The following LRTM3 variants were observed in gnomAD, a reference collection of about 807,000 sequenced individuals.
LRTM3 encodes the protein leucine-rich repeat transmembrane protein 3.
the LRTM3 span, chr13:102,731,854 T>C: frequency 6.5e-7 from 1 of 1,550,302 alleles, no homozygotes; most frequent in Non-Finnish European, 8.7e-7. Context: ...CAAGCATAGA[T>C]GGACACTCTG....
the LRTM3 span, chr13:102,732,794 A>AATTT: frequency 6.4e-7 from 1 of 1,551,212 alleles, no homozygotes; most frequent in Non-Finnish European, 8.7e-7. Flanking sequence ...GCCTATTTTT[A>AATTT]ATTTCCCTTC....
At chr13:102,745,345 G>GAGTCTTTT in the LRTM3 span, 1 of 1,550,562 alleles carries the variant, frequency 6.4e-7, no homozygotes, top group Admixed American at 2.0e-5. Flanking sequence ...GAGTAGAACT[G>GAGTCTTTT]AGTCTTTTTT....
chr13:102,754,682 A>G, the LRTM3 span, among the ~76,000 whole-genome samples: 1 of 152,172 alleles, frequency 6.6e-6, no homozygotes, highest in Non-Finnish European at 1.5e-5. Flanking sequence ...CCATTTAAAC[A>G]TTAGGTACGT....
At chr13:102,742,104 G>C in the LRTM3 span, 1 of 1,550,312 alleles carries the variant, frequency 6.5e-7, no homozygotes, top group Non-Finnish European at 8.7e-7. Flanking sequence ...ACTTCTGTAA[G>C]CTTTTTAATG....
At chr13:102,734,931 T>C in the LRTM3 span, 136 of 1,551,070 alleles carry the variant, frequency 8.8e-5, no homozygotes, top group Non-Finnish European at 1.2e-4. Context: ...TAGATTAAAA[T>C]ATCACCAGCA....
the LRTM3 span, chr13:102,740,572 A>G: frequency 1.1e-5 from 17 of 1,549,026 alleles, no homozygotes; most frequent in African/African-American, 2.7e-5. Flanking sequence ...TGTTTTGAGT[A>G]TATCCAACTA....
At chr13:102,734,981 AC>A in the LRTM3 span, 1 of 1,551,190 alleles carries the variant, frequency 6.4e-7, no homozygotes, top group Non-Finnish European at 8.7e-7. Context: ...ATCTGGTGAT[AC>A]CTGGAGTTTT....
chr13:102,737,736 C>T, the LRTM3 span: 14,839 of 1,550,834 alleles, frequency 9.6e-3, 80 homozygotes, highest in Non-Finnish European at 0.012. Flanking sequence ...CTATCACCCT[C>T]ACTGGGCACC....
At chr13:102,733,233 G>T in the LRTM3 span, 2 of 1,551,310 alleles carry the variant, frequency 1.3e-6, no homozygotes, top group South Asian at 2.4e-5. Flanking sequence ...ATATTTTGGG[G>T]GGCATTCCAG....
chr13:102,731,681 T>C, the LRTM3 span: 5 of 1,551,246 alleles, frequency 3.2e-6, no homozygotes, highest in Admixed American at 2.0e-5. Context: ...GGGAAGTAAA[T>C]GTTCTGCATT....
the LRTM3 span, chr13:102,736,950 C>A: frequency 6.4e-7 from 1 of 1,551,052 alleles, no homozygotes; most frequent in Non-Finnish European, 8.7e-7. Flanking sequence ...TTTTTGCCTG[C>A]TGTTCGTTTG....
chr13:102,733,383 G>A, the LRTM3 span: 1 of 1,551,238 alleles, frequency 6.4e-7, no homozygotes, highest in African/African-American at 1.4e-5. Flanking sequence ...GCAAGTTCTG[G>A]AGATACTTTC....
chr13:102,731,194 A>T, the LRTM3 span: 5 of 1,551,486 alleles, frequency 3.2e-6, no homozygotes, highest in Non-Finnish European at 4.4e-6. Context: ...CACTTGAAAC[A>T]TCAACAATCA....
At chr13:102,737,988 C>A in the LRTM3 span, 7 of 1,550,912 alleles carry the variant, frequency 4.5e-6, no homozygotes, top group Non-Finnish European at 6.1e-6. Flanking sequence ...ACTTCGTGAT[C>A]CATTTTCCCT....
chr13:102,742,397 C>T, the LRTM3 span: 1 of 1,546,488 alleles, frequency 6.5e-7, no homozygotes, highest in Non-Finnish European at 8.7e-7. Flanking sequence ...CCAGATAGTT[C>T]CTGAGACACA....
chr13:102,749,084 T>C, the LRTM3 span: 1 of 1,550,022 alleles, frequency 6.5e-7, no homozygotes, highest in South Asian at 1.2e-5. Flanking sequence ...CAAAGCTATA[T>C]CTGATATATC....
At chr13:102,743,224 A>T in the LRTM3 span, 6 of 1,550,660 alleles carry the variant, frequency 3.9e-6, no homozygotes, top group Non-Finnish European at 5.2e-6. Flanking sequence ...TGTCAATGGG[A>T]TCAGAATACC....
At chr13:102,739,202 C>T in the LRTM3 span, 1 of 1,550,038 alleles carries the variant, frequency 6.5e-7, no homozygotes, top group Non-Finnish European at 8.7e-7. Flanking sequence ...TTTTTTATTG[C>T]TCCGTTGTGG....
the LRTM3 span, chr13:102,731,454 T>C: frequency 6.4e-7 from 1 of 1,551,456 alleles, no homozygotes; most frequent in African/African-American, 1.4e-5. Context: ...CTAGTAAGCT[T>C]ATTTTTTTCT....
Sources: gnomAD v4.1 joint callset for allele counts (sites outside exome capture counted in the v4.1 genomes callset) on GRCh38, gnomAD v4.1.1 for gene constraint, MANE v1.5 for transcripts, NCBI Gene and HGNC (gene_info 2026-07-23, HGNC 2026-07-21) for gene names.